Variants in GSDMC observed in about 807,000 individuals in gnomAD.
The protein encoded by GSDMC is gasdermin-C.
A neutral mutation model predicts 58.0 loss-of-function variants in GSDMC; 59 were observed. That is an observed-to-expected ratio of 1.02 (90% CI 0.82 to 1.26). The LOEUF (loss-of-function observed/expected upper bound fraction) is 1.26. Among genes scored for constraint, GSDMC ranks in the 50% most tolerant of loss-of-function variants. The probability of loss-of-function intolerance (pLI) is 0.00; values close to 1 mark genes in which losing one functional copy is unlikely to be tolerated. For missense variants in GSDMC, 659 were observed against 598.5 expected (o/e 1.10, Z -1.06); for synonymous variants, 241 against 220.2 (o/e 1.09, Z -0.83).
chr8:129,774,460 A>G (rs2034158470), intron 3 of GSDMC, among the ~76,000 whole-genome samples: 2 of 151,932 alleles, frequency 1.3e-5, no homozygotes, highest in African/African-American at 4.8e-5. Flanking sequence ...AAGAAAATAC[A>G]GGGGGAAAGT....
chr8:129,755,984 T>C (rs2033414564), intron 6 of GSDMC, among the ~76,000 whole-genome samples: 2 of 150,718 alleles, frequency 1.3e-5, no homozygotes, highest in Admixed American at 6.6e-5. Context: ...AATGGCAGGA[T>C]TAAATCCCTA....
chr8:129,767,260 C>T (rs748831246), intron 3 of GSDMC, among the ~76,000 whole-genome samples: 66 of 152,094 alleles, frequency 4.3e-4, no homozygotes, highest in Non-Finnish European at 7.6e-4. Flanking sequence ...CAACTCTGCC[C>T]AGCCTCAGGG....
At chr8:129,712,233 C>T in the GSDMC span, among the ~76,000 whole-genome samples, 1 of 152,182 alleles carries the variant, frequency 6.6e-6, no homozygotes, top group African/African-American at 2.4e-5. Flanking sequence ...CATATTTTAT[C>T]ATTGAATACA....
chr8:129,785,337 A>G (rs902950184), intron 1 of GSDMC, among the ~76,000 whole-genome samples: 1 of 151,798 alleles, frequency 6.6e-6, no homozygotes, highest in Non-Finnish European at 1.5e-5. Context: ...GCTAAAAATT[A>G]AGACAATTGA....
the GSDMC span, among the ~76,000 whole-genome samples, chr8:129,741,810 A>G: frequency 6.9e-6 from 1 of 144,910 alleles, no homozygotes. Flanking sequence ...AGTGAAATCA[A>G]TAAGTTAGAG....
At chr8:129,722,215 G>T in the GSDMC span, among the ~76,000 whole-genome samples, 56,031 of 151,948 alleles carry the variant, frequency 0.37, 13,922 homozygotes, top group East Asian at 0.71. Flanking sequence ...GAAGCCCTAC[G>T]GTGCTCGGGG....
At chr8:129,780,596 A>C (rs2034375864) in intron 1 of GSDMC, among the ~76,000 whole-genome samples, 1 of 152,156 alleles carries the variant, frequency 6.6e-6, no homozygotes, top group Admixed American at 6.5e-5. Flanking sequence ...CCAAACAAAA[A>C]CTGAGAGATT....
chr8:129,705,860 A>G, the GSDMC span, among the ~76,000 whole-genome samples: 2 of 152,262 alleles, frequency 1.3e-5, no homozygotes, highest in African/African-American at 4.8e-5. Flanking sequence ...TGCCATCTTC[A>G]TCTTTGTGTC....
the GSDMC span, among the ~76,000 whole-genome samples, chr8:129,714,078 G>C: frequency 3.3e-5 from 5 of 152,218 alleles, no homozygotes; most frequent in African/African-American, 7.2e-5. Flanking sequence ...AACCCGGGAT[G>C]CTGCAGACAG....
At chr8:129,772,109 A>C (rs1461026086) in intron 3 of GSDMC, among the ~76,000 whole-genome samples, 1 of 152,046 alleles carries the variant, frequency 6.6e-6, no homozygotes, top group Non-Finnish European at 1.5e-5. Flanking sequence ...CTAAAAATAC[A>C]AAAAATTCGG....
the GSDMC span, chr8:129,728,966 G>C: frequency 1.5e-6 from 1 of 669,616 alleles, no homozygotes; most frequent in Non-Finnish European, 2.8e-6. Flanking sequence ...TGCTGAACGA[G>C]AAGGAGCAGG....
the GSDMC span, among the ~76,000 whole-genome samples, chr8:129,723,734 C>G: frequency 2.5e-3 from 381 of 152,320 alleles, 2 homozygotes; most frequent in African/African-American, 8.8e-3. Context: ...ACACTTGAAT[C>G]AAGGGCAGTT....
Position 129,750,561 on chromosome 8 carries a change from T to C in GSDMC, c.953A>G (p.His318Arg). ...IEEPFWQNFK[H>R]LQEEVFQKIK... is the part of the protein sequence containing the mutation. ...TTTCTGGAAAACCTCCTCTTGTAGA[T>C]GCTTGAAATCTGCTCTCAGGCATCA... Residue 318 changes from histidine to arginine, a missense_variant, in exon 11 of 14, where the codon CAT becomes CGT. Transcript: ENST00000276708. The C allele has an allele frequency of 1.9e-6, 3 of 1,614,044 alleles. No individual in the cohort carries two copies. Among genetic ancestry groups the C allele is most frequent in the Non-Finnish European group, 1.7e-6 (2 of 1,179,936 alleles).
the GSDMC span, among the ~76,000 whole-genome samples, chr8:129,731,517 C>G: frequency 6.6e-6 from 1 of 152,228 alleles, no homozygotes; most frequent in Non-Finnish European, 1.5e-5. Flanking sequence ...ATTATTAAGT[C>G]TAACAAGTCC....
chr8:129,770,608 G>A (rs2034016299), intron 3 of GSDMC, among the ~76,000 whole-genome samples: 1 of 152,042 alleles, frequency 6.6e-6, no homozygotes, highest in Non-Finnish European at 1.5e-5. Context: ...AAGCCTCATT[G>A]TAACTACAAA....
chr8:129,768,435 T>G (rs1220093011), intron 3 of GSDMC, among the ~76,000 whole-genome samples: 1 of 152,098 alleles, frequency 6.6e-6, no homozygotes, highest in Non-Finnish European at 1.5e-5. Flanking sequence ...ATTCAGAAGT[T>G]CAATGAACTA....
At chr8:129,770,583 T>C (rs1214617474) in intron 3 of GSDMC, among the ~76,000 whole-genome samples, 1 of 152,106 alleles carries the variant, frequency 6.6e-6, no homozygotes, top group Non-Finnish European at 1.5e-5. Flanking sequence ...ATTATAACTA[T>C]AAGATATTTT....
the GSDMC span, among the ~76,000 whole-genome samples, chr8:129,740,807 T>C: frequency 6.6e-6 from 1 of 152,218 alleles, no homozygotes; most frequent in Non-Finnish European, 1.5e-5. Flanking sequence ...CTCTTCACTC[T>C]GTTAATTTCT....
At chr8:129,778,427 C>T (rs902752473) in intron 1 of GSDMC, among the ~76,000 whole-genome samples, 2 of 152,060 alleles carry the variant, frequency 1.3e-5, no homozygotes, top group Non-Finnish European at 2.9e-5. Context: ...GAAAATGGAC[C>T]ATTTCCTTAC....
Sources: gnomAD v4.1 joint callset for allele counts (sites outside exome capture counted in the v4.1 genomes callset) on GRCh38, gnomAD v4.1.1 for gene constraint, MANE v1.5 for transcripts, NCBI Gene and HGNC (gene_info 2026-07-23, HGNC 2026-07-21) for gene names.